The following PSMD1 variants were observed in gnomAD, a reference collection of about 807,000 sequenced individuals.
PSMD1 encodes the protein 26S proteasome non-ATPase regulatory subunit 1.
A neutral mutation model predicts 119.0 loss-of-function variants in PSMD1; 18 were observed. That is an observed-to-expected ratio of 0.15 (90% CI 0.10 to 0.22). The LOEUF is 0.22. Among genes scored for constraint, PSMD1 ranks in the 10% least tolerant of loss-of-function variants. The probability of loss-of-function intolerance (pLI) is 1.00; values close to 1 mark genes in which losing one functional copy is unlikely to be tolerated. For synonymous variants in PSMD1, 374 were observed against 396.6 expected, an observed-to-expected ratio of 0.94 and a Z score of 0.68; for missense variants, 702 against 1,158.5, an observed-to-expected ratio of 0.61 and a Z score of 5.72.
At chr2:231,120,076 C>T (rs1486333712) in intron 16 of PSMD1, among the ~76,000 whole-genome samples, 29 of 151,438 alleles carry the variant, frequency 1.9e-4, no homozygotes, top group African/African-American at 6.8e-4. Flanking sequence ...CTCAGTCTCC[C>T]GAGTAGCTGG....
Position 231,078,619 on chromosome 2 carries a change from C to G in PSMD1, c.1072-40C>G. The G allele has an allele frequency of 2.0e-6, 3 of 1,515,328 alleles. No homozygotes were observed. In the African/African-American group the frequency reaches 4.2e-5, roughly 21 times the overall value. The allele number at this position is 1,515,328 out of a possible 1,614,324, so 93.9% of individuals were successfully genotyped here. ...GTGTGAGGGTGTGCATATATGAATA[C>G]TTTGCCAGTGATGAAACAATTCTGT... is the stretch of plus-strand genomic sequence containing the variant. On this transcript the variant is annotated intron_variant, in intron 9 of 24. Coordinates refer to ENST00000308696, the MANE Select transcript of PSMD1 (RefSeq NM_002807.4).
At position 231,110,755 on chromosome 2, in the gene PSMD1, A is replaced by G. The variant is rs182739295; in HGVS notation, c.1883+23574A>G. Among the ~76,000 whole-genome samples the G allele has an allele frequency of 2.0e-3, 299 of 152,306 alleles. 3 individuals are homozygous for G. Among genetic ancestry groups the G allele is most frequent in the African/African-American group, 6.4e-3 (265 of 41,560 alleles). ...TTTGAGGACCATTGGCCCACATTCTATTTTTGTAAAAGTTTTATTGGCATA... is the reference window on the plus strand; with the variant it reads ...TTTGAGGACCATTGGCCCACATTCTGTTTTTGTAAAAGTTTTATTGGCATA... On this transcript the variant is annotated intron_variant, in intron 16 of 24. Transcript: ENST00000308696.
rs1294092665 is a variant in PSMD1, at chr2:231,071,568, T to C, written c.655-621T>C. ...TCATTCCCCTATTGTTGACCACTTA[T>C]TTTGTTTGTGTTATTTCGTGTTCTT... On this transcript the variant is annotated intron_variant, in intron 6 of 24. Coordinates refer to ENST00000308696, the MANE Select transcript of PSMD1 (RefSeq NM_002807.4). 3.3e-5 allele frequency among the ~76,000 whole-genome samples: 5 copies of C among 152,166 alleles called. 1 individual carries two copies. The highest frequency in any genetic ancestry group is 4.1e-4 in the South Asian group (2 of 4,834).
Position 231,108,806 on chromosome 2 carries a change from G to A in PSMD1, c.1883+21625G>A, listed in dbSNP as rs760278664. On this transcript the variant is annotated intron_variant, in intron 16 of 24. Coordinates refer to ENST00000308696, the MANE Select transcript of PSMD1 (RefSeq NM_002807.4). ...ATATCGGCCAAATGCATCCCGAAAT[G>A]TCTTATTGAAGAGGGTGTAGACCAA... is the stretch of plus-strand genomic sequence containing the variant. The A allele has an allele frequency of 1.1e-5, 18 of 1,614,044 alleles. No individual in the cohort carries two copies. In the East Asian group the frequency reaches 3.8e-4, roughly 34 times the overall value.
At chr2:231,112,839 T>G (rs1401704057) in intron 16 of PSMD1, among the ~76,000 whole-genome samples, 1 of 152,174 alleles carries the variant, frequency 6.6e-6, no homozygotes, top group African/African-American at 2.4e-5. Flanking sequence ...CGGTATGTTT[T>G]CTTTGCATCT....
Position 231,170,309 on chromosome 2 carries a change from A to T in PSMD1, c.2716-257A>T, listed in dbSNP as rs1574783456. On this transcript the variant is annotated intron_variant, in intron 23 of 24. Coordinates refer to ENST00000308696, the MANE Select transcript of PSMD1 (RefSeq NM_002807.4). The surrounding 1 kb of genome is among the most constrained non-coding windows in gnomAD (Gnocchi z 4.1). ...GCTGGTAGTCAAGGCCATGGCTGGG[A>T]AATAACTATTCTTAAATTGGGATGC... is the stretch of plus-strand genomic sequence containing the variant. 1 of 349,208 alleles carries T rather than the reference A, an allele frequency of 2.9e-6. No individual in the cohort carries two copies. The highest frequency in any genetic ancestry group is 4.5e-5 in the East Asian group (1 of 22,264). 21.6% of individuals were successfully genotyped at this position (349,208 alleles called of 1,614,324 possible).
At chr2:231,065,743 T>C (rs778427022) in intron 4 of PSMD1, among the ~76,000 whole-genome samples, 10 of 152,342 alleles carry the variant, frequency 6.6e-5, no homozygotes, top group Non-Finnish European at 1.3e-4. Context: ...GCTATTGATA[T>C]CCTTCAGTAT....
chr2:231,127,470 T>C (rs911792401), intron 16 of PSMD1, among the ~76,000 whole-genome samples: 2 of 152,118 alleles, frequency 1.3e-5, no homozygotes, highest in East Asian at 3.8e-4. Flanking sequence ...TTCTCCTGTC[T>C]CAGCCTCCCA....
At chr2:231,114,528 T>A (rs566644483) in intron 16 of PSMD1, among the ~76,000 whole-genome samples, 2 of 152,304 alleles carry the variant, frequency 1.3e-5, no homozygotes, top group South Asian at 4.1e-4. Flanking sequence ...CTTCAGATTA[T>A]CCGGAAGAAA....
At position 231,144,997 on chromosome 2, in the gene PSMD1, G is replaced by A. The variant is rs528182680; in HGVS notation, c.1999-1243G>A. Among the ~76,000 whole-genome samples, 14 of 152,222 alleles carry A rather than the reference G, an allele frequency of 9.2e-5. No individual in the cohort carries two copies. In the Middle Eastern group the frequency reaches 0.017, roughly 185 times the overall value. On this transcript the variant is annotated intron_variant, in intron 17 of 24. Coordinates refer to ENST00000308696, the MANE Select transcript of PSMD1 (RefSeq NM_002807.4). ...TGACCTCTTACCTCAAGACGAGAGC[G>A]CTCAGGTTCTAAAGCTTCCTTTTCA...
rs1007122808 is a variant in PSMD1 at position 231,139,079 on chromosome 2, T to G, written c.1998+229T>G. On this transcript the variant is annotated intron_variant, in intron 17 of 24. Coordinates refer to ENST00000308696, the MANE Select transcript of PSMD1 (RefSeq NM_002807.4). ...GATAGCTGTAACTGAAACAGTGCTT[T>G]TGAATTTCTTTTTGAAATCATTGAT... 7.2e-6 allele frequency: 4 copies of G among 557,006 alleles called. No homozygotes were observed. The African/African-American group carries it at 7.6e-5, about 11-fold the overall frequency. 34.5% of individuals were successfully genotyped at this position (557,006 alleles called of 1,614,324 possible). A position where few individuals can be genotyped will look rare whatever the true frequency, so the allele number is the denominator to read the frequency against.
At chr2:231,057,644 T>A (rs947164943) in intron 1 of PSMD1, among the ~76,000 whole-genome samples, 3 of 152,250 alleles carry the variant, frequency 2.0e-5, no homozygotes, top group Non-Finnish European at 4.4e-5. Flanking sequence ...ACCTTTATAC[T>A]GAGAGCCTAC....
At position 231,165,969 on chromosome 2, in the gene PSMD1, T is replaced by G. The variant is rs756821499; in HGVS notation, c.2667T>G (p.Leu889=). 1 of 1,614,036 alleles carries G rather than the reference T, an allele frequency of 6.2e-7. No homozygotes were observed. The highest frequency in any genetic ancestry group is 1.1e-5 in the South Asian group (1 of 91,076). ...CAGCCCGAGTTATGCCTGCCCAGCT[T>G]AAGGTCCTAACCATGCCGGAGACCT... The part of the protein sequence containing the change: ...DNPARVMPAQ[L]KVLTMPETCR... The change falls in exon 23 of 25, where the codon CTT becomes CTG. Residue 889 remains leucine (L), a synonymous_variant. Transcript: ENST00000308696.
At chr2:231,104,524 C>G (rs1443267700) in intron 16 of PSMD1, among the ~76,000 whole-genome samples, 1 of 150,522 alleles carries the variant, frequency 6.6e-6, no homozygotes, top group African/African-American at 2.5e-5. Context: ...GTTTAAAGAG[C>G]TGGAGTTAAA....
intron 9 of PSMD1, among the ~76,000 whole-genome samples, chr2:231,078,414 C>A (rs1165165684): frequency 6.6e-6 from 1 of 152,206 alleles, no homozygotes; most frequent in Non-Finnish European, 1.5e-5. Flanking sequence ...AATCTGCTGT[C>A]CAAATTCCCC....
intron 1 of PSMD1, among the ~76,000 whole-genome samples, chr2:231,059,950 T>C (rs551205544): frequency 6.6e-6 from 1 of 152,322 alleles, no homozygotes; most frequent in African/African-American, 2.4e-5. Flanking sequence ...ATGTAACCAG[T>C]TAGTCATAAG....
intron 21 of PSMD1, 24 bp from the exon 22 acceptor site, chr2:231,165,176 A>G (rs755049622): frequency 2.0e-5 from 32 of 1,580,916 alleles, no homozygotes; most frequent in Non-Finnish European, 2.8e-5. Flanking sequence ...GGATTACAAC[A>G]GTTTACCCTG....
At chr2:231,087,083 A>T in intron 15 of PSMD1, 34 bp from the exon 16 acceptor site, 1 of 1,588,084 alleles carries the variant, frequency 6.3e-7, no homozygotes, top group South Asian at 1.1e-5. Flanking sequence ...GGTAGACTAC[A>T]TAGTATAATA....
chr2:231,145,894 CAAAAAAAAA>C (rs36124651), intron 17 of PSMD1, among the ~76,000 whole-genome samples: 4,102 of 46,664 alleles, frequency 0.088, 77 homozygotes, highest in East Asian at 0.26. Flanking sequence ...AGCTACATCT[CAAAAAAAAA>C]AAAAAAAAAA....
Sources: allele counts gnomAD v4.1 joint callset (sites outside exome capture counted in the v4.1 genomes callset), GRCh38; gene constraint gnomAD v4.1.1; non-coding constraint Gnocchi (gnomAD v3.1); transcripts MANE v1.5; gene names NCBI Gene and HGNC (gene_info 2026-07-23, HGNC 2026-07-21).